Variants in FTCDNL1 observed in about 807,000 individuals in gnomAD.
FTCDNL1 encodes the protein formiminotransferase N-terminal subdomain-containing protein.
A neutral mutation model predicts 5.9 loss-of-function variants in FTCDNL1; 11 were observed. The observed-to-expected ratio is 1.87, with a 90% CI of 1.18 to 3.10. The LOEUF is 3.10. Ranked by LOEUF, FTCDNL1 falls within the 30% of genes most tolerant of loss-of-function variation. The pLI is 0.00. For synonymous variants in FTCDNL1, 58 were observed against 24.8 expected (o/e 2.34, Z -3.99); for missense variants, 115 against 65.5 (o/e 1.76, Z -2.61).
chr2:199,760,860 A>G, intron 3 of FTCDNL1: 1 of 702,238 alleles, frequency 1.4e-6, no homozygotes, highest in Non-Finnish European at 2.6e-6. Context: ...AGGAGAGATT[A>G]GTATTTGGAA....
chr2:199,716,180 C>A, the FTCDNL1 span, among the ~76,000 whole-genome samples: 1 of 151,726 alleles, frequency 6.6e-6, no homozygotes, highest in Non-Finnish European at 1.5e-5. Context: ...ACTGTCCTTT[C>A]AAAAATGTAT....
At chr2:199,699,190 G>C in the FTCDNL1 span, among the ~76,000 whole-genome samples, 2 of 152,172 alleles carry the variant, frequency 1.3e-5, no homozygotes, top group African/African-American at 4.8e-5. Flanking sequence ...AGCTGCGCCA[G>C]GTGTGGTGGC....
the FTCDNL1 span, among the ~76,000 whole-genome samples, chr2:199,702,857 G>T: frequency 6.6e-6 from 1 of 152,114 alleles, no homozygotes; most frequent in Admixed American, 6.6e-5. Flanking sequence ...GCCCTGAAAA[G>T]GCATCAGCCA....
At chr2:199,708,476 A>G in the FTCDNL1 span, among the ~76,000 whole-genome samples, 1 of 152,206 alleles carries the variant, frequency 6.6e-6, no homozygotes, top group South Asian at 2.1e-4. Flanking sequence ...TGTGGATTTT[A>G]TCTTGTTTAG....
chr2:199,843,590 G>C lies in FTCDNL1; in HGVS notation c.211+2485C>G, dbSNP rs1301399991. Among the ~76,000 whole-genome samples, 20 of 152,040 alleles carry C rather than the reference G, an allele frequency of 1.3e-4. 1 individual carries two copies. The highest frequency in any genetic ancestry group is 1.3e-3 in the Admixed American group (20 of 15,274). On this transcript the variant is annotated intron_variant, in intron 3 of 4. Transcript: ENST00000420128. ...GAAGCAAGTCTCATTTCCTATTTCTGGTGCTTAATGTAGCTCAGCTAAAGT... is the reference window on the plus strand; with the variant it reads ...GAAGCAAGTCTCATTTCCTATTTCTCGTGCTTAATGTAGCTCAGCTAAAGT...
intron 3 of FTCDNL1, among the ~76,000 whole-genome samples, chr2:199,774,287 A>T (rs1321646110): frequency 1.3e-5 from 2 of 152,050 alleles, no homozygotes; most frequent in Admixed American, 6.5e-5. Context: ...GCTCTCCCTT[A>T]CCCAACCTCA....
chr2:199,823,648 AGT>A (rs1701834598), intron 3 of FTCDNL1, among the ~76,000 whole-genome samples: 2 of 152,206 alleles, frequency 1.3e-5, no homozygotes, highest in Non-Finnish European at 2.9e-5. Context: ...TTTTCTGAGC[AGT>A]AGGTATCAAC....
At chr2:199,735,553 G>A in the FTCDNL1 span, among the ~76,000 whole-genome samples, 1 of 151,848 alleles carries the variant, frequency 6.6e-6, no homozygotes, top group African/African-American at 2.4e-5. Flanking sequence ...TTTTTCCCTA[G>A]ACATATCTTT....
At chr2:199,751,909 G>T in the FTCDNL1 span, among the ~76,000 whole-genome samples, 5,162 of 151,974 alleles carry the variant, frequency 0.034, 302 homozygotes, top group African/African-American at 0.12. Flanking sequence ...ATTAGTCTTG[G>T]GGGGCCAGTT....
chr2:199,830,489 T>C (rs1484141064), intron 3 of FTCDNL1, among the ~76,000 whole-genome samples: 1 of 152,176 alleles, frequency 6.6e-6, no homozygotes, highest in Non-Finnish European at 1.5e-5. Context: ...TCCAATGTCT[T>C]CATTAAACAG....
chr2:199,752,800 G>A, the FTCDNL1 span, among the ~76,000 whole-genome samples: 3 of 145,608 alleles, frequency 2.1e-5, no homozygotes, highest in East Asian at 2.1e-4. Context: ...GTGTGTATTC[G>A]GGTCTTCAAC....
At chr2:199,780,837 G>A (rs1026504605) in intron 3 of FTCDNL1, among the ~76,000 whole-genome samples, 1 of 152,230 alleles carries the variant, frequency 6.6e-6, no homozygotes, top group East Asian at 1.9e-4. Flanking sequence ...CCCTTTCCTG[G>A]TGTGACCAGG....
the FTCDNL1 span, among the ~76,000 whole-genome samples, chr2:199,726,424 C>T: frequency 1.3e-5 from 2 of 152,160 alleles, no homozygotes; most frequent in Non-Finnish European, 2.9e-5. Flanking sequence ...CAGTTCTGTG[C>T]CCTTGCTGGA....
At chr2:199,850,036 G>C (rs557244144) in intron 1 of FTCDNL1, among the ~76,000 whole-genome samples, 2 of 152,248 alleles carry the variant, frequency 1.3e-5, no homozygotes, top group Admixed American at 1.3e-4. Context: ...GCAAATAATG[G>C]TGCTCTCCCT....
chr2:199,764,093 C>T (rs960006044), intron 3 of FTCDNL1, among the ~76,000 whole-genome samples: 2 of 152,186 alleles, frequency 1.3e-5, no homozygotes, highest in African/African-American at 4.8e-5. Flanking sequence ...CCATCCGCTT[C>T]AGCCTCCCAA....
At chr2:199,805,813 G>C (rs560994362), downstream of FTCDNL1, among the ~76,000 whole-genome samples, 1 of 152,000 alleles carries the variant, frequency 6.6e-6, no homozygotes, top group Non-Finnish European at 1.5e-5. Context: ...CAGCTACTTG[G>C]GTGGCTGAGG....
At chr2:199,681,306 A>G in the FTCDNL1 span, among the ~76,000 whole-genome samples, 1 of 151,718 alleles carries the variant, frequency 6.6e-6, no homozygotes, top group African/African-American at 2.4e-5. Flanking sequence ...ATACAAAAAA[A>G]TTACCCGGGT....
At chr2:199,780,990 C>T (rs867560076) in intron 3 of FTCDNL1, among the ~76,000 whole-genome samples, 2 of 152,228 alleles carry the variant, frequency 1.3e-5, no homozygotes, top group African/African-American at 4.8e-5. Context: ...CACACAATCT[C>T]TGCCACAATG....
chr2:199,704,677 G>A, the FTCDNL1 span, among the ~76,000 whole-genome samples: 1 of 152,008 alleles, frequency 6.6e-6, no homozygotes, highest in Non-Finnish European at 1.5e-5. Flanking sequence ...AGGCAAGAAT[G>A]GGAAAGTTAG....
Sources: allele counts gnomAD v4.1 joint callset (sites outside exome capture counted in the v4.1 genomes callset), GRCh38; gene constraint gnomAD v4.1.1; transcripts MANE v1.5; gene names NCBI Gene and HGNC (gene_info 2026-07-23, HGNC 2026-07-21).